The following FGD4 variants were observed in gnomAD, a reference collection of about 807,000 sequenced individuals.
FGD4 encodes the protein FYVE, RhoGEF and PH domain-containing protein 4.
A neutral mutation model predicts 102.0 loss-of-function variants in FGD4; 42 were observed. The ratio of observed to expected loss-of-function variants is 0.41; its 90% confidence interval spans 0.32 to 0.53. The LOEUF (loss-of-function observed/expected upper bound fraction) is 0.53. Among genes scored for constraint, FGD4 ranks in the 20% least tolerant of loss-of-function variants. The pLI is 0.21. For missense variants in FGD4, 902 were observed against 1,078.2 expected (o/e 0.84, Z 2.29); for synonymous variants, 380 against 375.7 (o/e 1.01, Z -0.13).
At chr12:32,607,929 G>T in intron 7 of FGD4, 28 bp from the exon 8 acceptor site, 1 of 1,613,856 alleles carries the variant, frequency 6.2e-7, no homozygotes, top group Non-Finnish European at 8.5e-7. Context: ...ATTTTTAAAT[G>T]TTTCTTAGAA....
intron 14 of FGD4, among the ~76,000 whole-genome samples, chr12:32,627,925 T>G (rs1446792269): frequency 6.6e-6 from 1 of 151,906 alleles, no homozygotes; most frequent in Non-Finnish European, 1.5e-5. Flanking sequence ...CAGAGATGTA[T>G]GGTAGCGGAC....
intron 1 of FGD4, among the ~76,000 whole-genome samples, chr12:32,400,872 AT>A (rs1178413686): frequency 8.9e-6 from 1 of 112,336 alleles, no homozygotes. Context: ...TATGATAAAT[AT>A]TAGAGCTTTT....
chr12:32,414,566 T>C (rs1158953413), intron 1 of FGD4, among the ~76,000 whole-genome samples: 1 of 152,098 alleles, frequency 6.6e-6, no homozygotes, highest in Non-Finnish European at 1.5e-5. Flanking sequence ...ATCATCCCCA[T>C]TTCCCCTCCT....
intron 1 of FGD4, chr12:32,477,425 T>G (rs1006134025): frequency 1.3e-5 from 2 of 152,548 alleles, no homozygotes; most frequent in East Asian, 3.9e-4. Flanking sequence ...ATCCTTGTAT[T>G]CTCTCTGTCA....
chr12:32,418,245 C>T (rs1362125185), intron 1 of FGD4, among the ~76,000 whole-genome samples: 2 of 152,034 alleles, frequency 1.3e-5, no homozygotes, highest in African/African-American at 4.8e-5. Flanking sequence ...CGTGAGCCAC[C>T]GCGCCTGGCC....
At chr12:32,612,740 A>G (rs1949221357) in intron 10 of FGD4, among the ~76,000 whole-genome samples, 1 of 152,200 alleles carries the variant, frequency 6.6e-6, no homozygotes. Flanking sequence ...GGCTAAAAAT[A>G]TATATAAGCC....
intron 4 of FGD4, among the ~76,000 whole-genome samples, chr12:32,586,670 G>C (rs998566948): frequency 1.3e-5 from 2 of 152,148 alleles, no homozygotes; most frequent in Admixed American, 1.3e-4. Context: ...GATGAAGGGG[G>C]CCTGGATGAA....
intron 1 of FGD4, among the ~76,000 whole-genome samples, chr12:32,414,536 AT>A (rs201135723): frequency 2.0e-5 from 3 of 150,630 alleles, no homozygotes; most frequent in Non-Finnish European, 3.0e-5. Context: ...TATTCTTTCT[AT>A]TTTTTTTTGT....
intron 1 of FGD4, among the ~76,000 whole-genome samples, chr12:32,450,590 G>T (rs867237209): frequency 2.6e-5 from 4 of 152,282 alleles, no homozygotes; most frequent in Middle Eastern, 6.8e-3. Flanking sequence ...TTCTCCAAGA[G>T]CCCTGGTTTC....
chr12:32,548,438 C>CTT (rs1369111050), intron 1 of FGD4, among the ~76,000 whole-genome samples: 178 of 152,308 alleles, frequency 1.2e-3, no homozygotes, highest in Non-Finnish European at 1.7e-3. Flanking sequence ...AATAAAACTG[C>CTT]ATGCATTATT....
chr12:32,645,040 T>C lies in FGD4; in HGVS notation c.*4507T>C, dbSNP rs1319777977. ...CTTGTTGGGGTCACCGGGAGTTATA[T>C]GATGGTCAACCCCTTTTCCCAAAAT... is the stretch of plus-strand genomic sequence containing the variant. On this transcript the variant is annotated 3_prime_UTR_variant, in exon 17 of 17. Transcript: ENST00000534526. The C allele has an allele frequency of 6.6e-6, 1 of 152,218 alleles. No homozygotes were observed. The highest frequency in any genetic ancestry group is 1.5e-5 in the Non-Finnish European group (1 of 68,046). 9.4% of individuals were successfully genotyped at this position (152,218 alleles called of 1,614,324 possible). A position where few individuals can be genotyped will look rare whatever the true frequency, so the allele number is the denominator to read the frequency against.
In FGD4 at chr12:32,616,410, A is replaced by G. The variant is rs1232413231; in HGVS notation, c.1750-3288A>G. On this transcript the variant is annotated intron_variant, in intron 10 of 16. Coordinates refer to ENST00000534526, the MANE Select transcript of FGD4 (RefSeq NM_001370298.3). ...ACATATGCCGTTGCCTCCCAGGAGAATGAGGTCACATGGCAGGAATTTTAG... is the reference window on the plus strand; with the variant it reads ...ACATATGCCGTTGCCTCCCAGGAGAGTGAGGTCACATGGCAGGAATTTTAG... Among the ~76,000 whole-genome samples the G allele has an allele frequency of 3.3e-5, 5 of 152,200 alleles. No individual in the cohort carries two copies. In the East Asian group the frequency reaches 7.7e-4, roughly 23 times the overall value.
intron 1 of FGD4, among the ~76,000 whole-genome samples, chr12:32,478,324 A>G (rs1187486517): frequency 6.6e-6 from 1 of 152,068 alleles, no homozygotes; most frequent in African/African-American, 2.4e-5. Context: ...GTGGAGTGCC[A>G]CGATCTCGGC....
In FGD4 at chr12:32,643,955, A is replaced by T. The variant is rs558226398; in HGVS notation, c.*3422A>T. 1 of 152,120 alleles carries T rather than the reference A, an allele frequency of 6.6e-6. No homozygotes were observed. The highest frequency in any genetic ancestry group is 1.5e-5 in the Non-Finnish European group (1 of 67,974). The allele number at this position is 152,120 out of a possible 1,614,324, so 9.4% of individuals were successfully genotyped here. A position where few individuals can be genotyped will look rare whatever the true frequency, so the allele number is the denominator to read the frequency against. On this transcript the variant is annotated 3_prime_UTR_variant, in exon 17 of 17. Transcript: ENST00000534526. ...ATCTTTCTGGACTAGATACAACCTG[A>T]GTAGCAAGCACCAACCGGAGCAAGT...
chr12:32,580,174 A>C (rs1160053047), intron 3 of FGD4, among the ~76,000 whole-genome samples: 1 of 151,824 alleles, frequency 6.6e-6, no homozygotes, highest in Admixed American at 6.6e-5. Context: ...TCATGGTTTG[A>C]CCTCTGGCTT....
rs1399556830 is a variant in FGD4 at position 32,610,819 on chromosome 12, T to G, written c.1587T>G (p.Ser529Arg). The G allele has an allele frequency of 6.2e-7, 1 of 1,613,706 alleles. No homozygotes were observed. The highest frequency in any genetic ancestry group is 1.7e-5 in the Admixed American group (1 of 60,010). ...CTACAGCAGCAAGCCATTCTAATAGTGCAATAAGGAAAATGGTAAGTGGTT... is the reference window on the plus strand; with the variant it reads ...CTACAGCAGCAAGCCATTCTAATAGGGCAATAAGGAAAATGGTAAGTGGTT... ...IISTAASHSN[S>R]AIRKMENLKK... The change falls in exon 9 of 17, where the codon AGT becomes AGG. Residue 529 changes from serine (S) to arginine (R), a missense_variant. Ser to Arg is a moderately radical substitution (Grantham distance 110). This residue lies in a region of FGD4 where 459 missense variants were observed against 619.0 expected (regional missense o/e 0.74). Transcript: ENST00000534526.
At chr12:32,489,923 C>G (rs1944033454) in intron 1 of FGD4, among the ~76,000 whole-genome samples, 2 of 152,118 alleles carry the variant, frequency 1.3e-5, no homozygotes, top group African/African-American at 2.4e-5. Context: ...TTTTTCTCCT[C>G]TAAGGCTTTC....
chr12:32,597,845 A>G (rs955526148), intron 4 of FGD4, among the ~76,000 whole-genome samples: 1 of 152,180 alleles, frequency 6.6e-6, no homozygotes, highest in African/African-American at 2.4e-5. Flanking sequence ...GTGGGGGTTC[A>G]CTTTACTGTT....
chr12:32,459,189 CT>C (rs60125522), intron 1 of FGD4, among the ~76,000 whole-genome samples: 4,467 of 114,400 alleles, frequency 0.039, 110 homozygotes, highest in African/African-American at 0.13. Context: ...TTTGACACTG[CT>C]TTTTTTTTTT....
Sources: gnomAD v4.1 joint callset for allele counts (sites outside exome capture counted in the v4.1 genomes callset) on GRCh38, gnomAD v4.1.1 for gene constraint, gnomAD v4.1.1 regional missense constraint, MANE v1.5 for transcripts, NCBI Gene and HGNC (gene_info 2026-07-23, HGNC 2026-07-21) for gene names.